Variants in GALNT13 observed in about 807,000 individuals in gnomAD.
The protein encoded by GALNT13 is UDP-GalNAc:polypeptide N-acetylgalactosaminyltransferase 13.
Under a neutral mutation model 64.2 loss-of-function variants are expected in GALNT13, and 28 were observed. That is an observed-to-expected ratio of 0.44 (90% confidence interval 0.32 to 0.60). The LOEUF is 0.60. Ranked by LOEUF, GALNT13 falls within the 20% of genes least tolerant of loss-of-function variation. The pLI, the probability that GALNT13 is intolerant of heterozygous loss-of-function variation, is 0.05. For missense variants in GALNT13, 577 were observed against 669.8 expected (o/e 0.86, Z 1.53); for synonymous variants, 214 against 224.6 (o/e 0.95, Z 0.42).
At chr2:154,322,766 G>A (rs927971886) in intron 9 of GALNT13, among the ~76,000 whole-genome samples, 1 of 152,042 alleles carries the variant, frequency 6.6e-6, no homozygotes, top group East Asian at 1.9e-4. Context: ...GATTCTGTGG[G>A]TAAGGAGCTT....
the GALNT13 span, among the ~76,000 whole-genome samples, chr2:153,642,441 G>A: frequency 1.1e-4 from 17 of 151,714 alleles, no homozygotes; most frequent in African/African-American, 3.6e-4. Flanking sequence ...AAAAATAGTA[G>A]GATGCAGCTA....
At chr2:154,073,733 A>G (rs1700852911) in intron 3 of GALNT13, among the ~76,000 whole-genome samples, 1 of 151,948 alleles carries the variant, frequency 6.6e-6, no homozygotes, top group African/African-American at 2.4e-5. Flanking sequence ...TCACATTGCA[A>G]GTAAACTGTA....
the GALNT13 span, among the ~76,000 whole-genome samples, chr2:153,804,835 T>C: frequency 5.9e-4 from 90 of 152,256 alleles, 1 homozygote; most frequent in Admixed American, 9.8e-4. Flanking sequence ...GACAGGCTTA[T>C]ATAAAATATG....
chr2:153,308,535 T>C, the GALNT13 span, among the ~76,000 whole-genome samples: 1 of 152,224 alleles, frequency 6.6e-6, no homozygotes, highest in East Asian at 1.9e-4. Context: ...TTGTATATTA[T>C]GTGATTAATA....
At chr2:153,742,988 G>A in the GALNT13 span, among the ~76,000 whole-genome samples, 29 of 118,664 alleles carry the variant, frequency 2.4e-4, no homozygotes, top group African/African-American at 9.3e-4. Flanking sequence ...AGGAGAAGTG[G>A]GGGGGGAGAG....
the GALNT13 span, among the ~76,000 whole-genome samples, chr2:153,434,225 A>G: frequency 9.9e-5 from 15 of 152,060 alleles, no homozygotes; most frequent in African/African-American, 3.6e-4. Flanking sequence ...AATCCAGTCT[A>G]TCATTGTTGG....
chr2:153,867,719 C>G (rs563649974), upstream of GALNT13, among the ~76,000 whole-genome samples: 11 of 151,958 alleles, frequency 7.2e-5, no homozygotes, highest in East Asian at 2.1e-3. Context: ...ATGGTCCCAT[C>G]TGGGGGTGAT....
intron 9 of GALNT13, among the ~76,000 whole-genome samples, chr2:154,360,396 G>C (rs1696996615): frequency 2.0e-5 from 3 of 152,124 alleles, no homozygotes; most frequent in Admixed American, 2.0e-4. Flanking sequence ...GAAATATTAA[G>C]GGAATAGGCC....
At chr2:153,566,042 AGTAAT>A in the GALNT13 span, among the ~76,000 whole-genome samples, 1 of 152,210 alleles carries the variant, frequency 6.6e-6, no homozygotes, top group Non-Finnish European at 1.5e-5. Context: ...AATGTAATAA[AGTAAT>A]GTAATTTTAA....
At chr2:154,408,520 A>G (rs1017962181) in intron 10 of GALNT13, among the ~76,000 whole-genome samples, 5 of 152,108 alleles carry the variant, frequency 3.3e-5, no homozygotes, top group African/African-American at 1.2e-4. Context: ...TGGAACATAC[A>G]GTAATGAAGC....
chr2:153,434,842 C>T, the GALNT13 span, among the ~76,000 whole-genome samples: 1 of 152,068 alleles, frequency 6.6e-6, no homozygotes, highest in Non-Finnish European at 1.5e-5. Context: ...AATTAGATCC[C>T]ATTTGTCAAT....
the GALNT13 span, among the ~76,000 whole-genome samples, chr2:153,331,646 T>C: frequency 6.6e-6 from 1 of 151,994 alleles, no homozygotes; most frequent in East Asian, 1.9e-4. Flanking sequence ...TTGCCTGCTT[T>C]ATATTTGCTG....
chr2:153,319,261 C>T, the GALNT13 span, among the ~76,000 whole-genome samples: 1 of 152,092 alleles, frequency 6.6e-6, no homozygotes, highest in East Asian at 1.9e-4. Context: ...GTCATTTTCG[C>T]TATTGTATTA....
intron 3 of GALNT13, among the ~76,000 whole-genome samples, chr2:154,004,204 T>TG (rs1362582256): frequency 8.0e-6 from 1 of 125,034 alleles, no homozygotes; most frequent in African/African-American, 4.2e-5. Flanking sequence ...TAATTTCCTT[T>TG]AATTTTTTTT....
At chr2:153,530,017 A>G in the GALNT13 span, among the ~76,000 whole-genome samples, 2 of 152,114 alleles carry the variant, frequency 1.3e-5, no homozygotes, top group African/African-American at 4.8e-5. Context: ...ACTTTCACCA[A>G]TGTTATTTAA....
chr2:153,089,478 TC>T, the GALNT13 span, among the ~76,000 whole-genome samples: 1 of 152,200 alleles, frequency 6.6e-6, no homozygotes, highest in Admixed American at 6.5e-5. Context: ...GTGATGAATT[TC>T]CCATGTGTTC....
chr2:153,244,839 G>C, the GALNT13 span, among the ~76,000 whole-genome samples: 21 of 152,136 alleles, frequency 1.4e-4, no homozygotes, highest in Admixed American at 2.6e-4. Context: ...TCATTCAGTG[G>C]GTCCTGCTCC....
chr2:153,372,045 T>A, the GALNT13 span, among the ~76,000 whole-genome samples: 1 of 152,142 alleles, frequency 6.6e-6, no homozygotes, highest in Admixed American at 6.5e-5. Flanking sequence ...TGTTTCTGAT[T>A]TAGTGAGTGT....
the GALNT13 span, among the ~76,000 whole-genome samples, chr2:153,259,294 T>C: frequency 7.6e-6 from 1 of 131,944 alleles, no homozygotes; most frequent in Non-Finnish European, 1.7e-5. Flanking sequence ...TCCGTTCTTT[T>C]ATTTTCATTT....
Sources: gnomAD v4.1 joint callset for allele counts (sites outside exome capture counted in the v4.1 genomes callset) on GRCh38, gnomAD v4.1.1 for gene constraint, MANE v1.5 for transcripts, NCBI Gene and HGNC (gene_info 2026-07-23, HGNC 2026-07-21) for gene names.